DDX50: variants seen among roughly 807,000 people sequenced by gnomAD.
The protein encoded by DDX50 is ATP-dependent RNA helicase DDX50.
In DDX50, 56 loss-of-function variants were observed where a neutral mutation model predicts 94.8. That is an observed-to-expected ratio of 0.59 (90% CI 0.48 to 0.74). The LOEUF is 0.74. DDX50 is among the 30% of genes least tolerant of loss of function. DDX50 has a pLI of 0.00. For synonymous variants in DDX50, 264 were observed against 295.4 expected (o/e 0.89, Z 1.09); for missense variants, 713 against 881.2 (o/e 0.81, Z 2.42).
intron 10 of DDX50, 145 bp from the exon 11 acceptor site, chr10:68,935,857 CAAAA>C: frequency 1.6e-6 from 1 of 607,042 alleles, no homozygotes; most frequent in Non-Finnish European, 2.7e-6. Context: ...AAAACAAAAA[CAAAA>C]AAGATAAAAC....
intron 8 of DDX50, among the ~76,000 whole-genome samples, chr10:68,928,345 G>C (rs181770230): frequency 1.8e-4 from 28 of 152,050 alleles, no homozygotes; most frequent in Admixed American, 4.6e-4. Context: ...TTAAAAGGTG[G>C]TATTAAAAAT....
chr10:68,902,345 A>C (rs1321473290), intron 1 of DDX50, among the ~76,000 whole-genome samples: 2 of 152,196 alleles, frequency 1.3e-5, no homozygotes, highest in Admixed American at 6.5e-5. Flanking sequence ...CAGTATTCGA[A>C]GGCTGACATT....
At chr10:68,925,833 G>A (rs894095934) in intron 8 of DDX50, among the ~76,000 whole-genome samples, 7 of 151,988 alleles carry the variant, frequency 4.6e-5, no homozygotes, top group Non-Finnish European at 7.4e-5. Context: ...GTGCAACATG[G>A]TGAAACCCGG....
chr10:68,946,757 T>C lies in DDX50; in HGVS notation c.*127T>C. 1 of 1,257,868 alleles carries C rather than the reference T, an allele frequency of 7.9e-7. No homozygotes were observed. The highest frequency in any genetic ancestry group is 1.1e-6 in the Non-Finnish European group (1 of 919,664). The allele number at this position is 1,257,868 out of a possible 1,614,324, so 77.9% of individuals were successfully genotyped here. A position where few individuals can be genotyped will look rare whatever the true frequency, so the allele number is the denominator to read the frequency against. On this transcript the variant is annotated 3_prime_UTR_variant, in exon 15 of 15. Coordinates refer to ENST00000373585, the MANE Select transcript of DDX50 (RefSeq NM_024045.2). The stretch of plus-strand genomic sequence containing the variant: ...CTATTTGCAAAGAAGTTGGTCGTAT[T>C]TTTTTAAAAAGTATTTCACAAGAAT...
chr10:68,935,002 G>C, intron 10 of DDX50, 84 bp downstream of exon 10: 2 of 1,467,224 alleles, frequency 1.4e-6, no homozygotes, highest in Non-Finnish European at 1.8e-6. Flanking sequence ...CTTACAAGTA[G>C]GTCTTCATAA....
At chr10:68,905,175 C>G (rs774540632) in intron 1 of DDX50, among the ~76,000 whole-genome samples, 4 of 152,154 alleles carry the variant, frequency 2.6e-5, no homozygotes, top group South Asian at 2.1e-4. Context: ...CCTCGCCCCC[C>G]CAGAGTGCTG....
intron 14 of DDX50, among the ~76,000 whole-genome samples, chr10:68,945,393 G>C (rs1169564128): frequency 6.6e-6 from 1 of 151,560 alleles, no homozygotes; most frequent in Admixed American, 6.6e-5. Flanking sequence ...TGCAACCTCT[G>C]CCTCCCAGGT....
intron 8 of DDX50, among the ~76,000 whole-genome samples, chr10:68,923,502 A>G (rs935050174): frequency 4.0e-5 from 6 of 151,580 alleles, no homozygotes; most frequent in Non-Finnish European, 8.8e-5. Context: ...CACTGTGCCC[A>G]GCCAATATAT....
chr10:68,931,432 A>ACACACACACACACAC (rs1261998646), intron 8 of DDX50, among the ~76,000 whole-genome samples: 6,660 of 60,192 alleles, frequency 0.11, 753 homozygotes, highest in East Asian at 0.29. Context: ...TATATACACA[A>ACACACACACACACAC]ACACACACAC....
In DDX50 at chr10:68,913,201, G is replaced by A; in HGVS notation, c.679G>A (p.Val227Ile). ...TCCAACAAGGGAACTGGCAAACCAA[G>A]TAGCCAAAGACTTCAAAGATATAAC... ...LAPTRELANQ[V>I]AKDFKDITRK... is the part of the protein sequence containing the mutation. The change falls in exon 5 of 15, where the codon GTA (valine) becomes ATA (isoleucine). Residue 227 changes from valine to isoleucine, a missense_variant. Physicochemically the swap from Val to Ile is conservative, Grantham distance 29. This residue lies in a region of DDX50 where 285 missense variants were observed against 278.9 expected (regional missense o/e 1.02). Coordinates refer to ENST00000373585, the MANE Select transcript of DDX50 (RefSeq NM_024045.2). 6.2e-7 allele frequency: 1 copy of A among 1,612,436 alleles called. No individual in the cohort carries two copies. Among genetic ancestry groups the A allele is most frequent in the Non-Finnish European group, 8.5e-7 (1 of 1,179,658 alleles).
intron 13 of DDX50, among the ~76,000 whole-genome samples, chr10:68,941,995 C>T (rs1480736567): frequency 6.6e-6 from 1 of 151,598 alleles, no homozygotes; most frequent in Admixed American, 6.6e-5. Flanking sequence ...GCCATGTTGC[C>T]CAGGCTGGTC....
Position 68,934,788 on chromosome 10 carries a change from A to G in DDX50, c.1402-11A>G. The G allele has an allele frequency of 6.3e-7, 1 of 1,578,652 alleles. No homozygotes were observed. Among genetic ancestry groups the G allele is most frequent in the Non-Finnish European group, 8.6e-7 (1 of 1,168,956 alleles). On this transcript the variant is annotated splice_polypyrimidine_tract_variant and intron_variant, in intron 9 of 14. Coordinates refer to ENST00000373585, the MANE Select transcript of DDX50 (RefSeq NM_024045.2). The surrounding 1 kb of genome is among the most constrained non-coding windows in gnomAD (Gnocchi z 4.0). ...AGATTTTTAAAAAATATTACCTTTTATAATCTTTAGGATGTTGAGTCCTAT... is the reference window on the plus strand; with the variant it reads ...AGATTTTTAAAAAATATTACCTTTTGTAATCTTTAGGATGTTGAGTCCTAT...
chr10:68,907,209 G>T (rs928666127), intron 2 of DDX50, among the ~76,000 whole-genome samples: 3 of 151,996 alleles, frequency 2.0e-5, no homozygotes, highest in Admixed American at 6.6e-5. Flanking sequence ...CTTTTTCTTG[G>T]GGCGAGGTGG....
At chr10:68,910,569 A>G (rs542372355) in intron 3 of DDX50, among the ~76,000 whole-genome samples, 187 bp downstream of exon 3, 3 of 152,152 alleles carry the variant, frequency 2.0e-5, no homozygotes, top group Admixed American at 2.0e-4. Flanking sequence ...TGCCCGGCTA[A>G]GTTTCATATT....
At chr10:68,936,506 AAAAAAAAAAATATATATATAT>A (rs1186653504) in intron 11 of DDX50, among the ~76,000 whole-genome samples, 3 of 49,708 alleles carry the variant, frequency 6.0e-5, no homozygotes, top group African/African-American at 2.6e-4. Context: ...AAAAAAAAAA[AAAAAAAAAAATATATATATAT>A]ATATATATAT....
Position 68,919,961 on chromosome 10 carries a change from A to G in DDX50, c.1219A>G (p.Met407Val), listed in dbSNP as rs758730207. 2.5e-6 allele frequency: 4 copies of G among 1,614,110 alleles called. No homozygotes were observed. The highest frequency in any genetic ancestry group is 1.3e-5 in the African/African-American group (1 of 74,958). ...CAAGAAGAATGTAACTGAAATGGCCATGAATCCACACATAAAACAGGTAAG... is the reference window on the plus strand; with the variant it reads ...CAAGAAGAATGTAACTGAAATGGCCGTGAATCCACACATAAAACAGGTAAG... ...ETKKNVTEMA[M>V]NPHIKQNAQC... Residue 407 changes from methionine to valine, a missense_variant, in exon 8 of 15, where the codon ATG (methionine) becomes GTG (valine). Around this residue, in one of 2 missense-constraint regions of DDX50, gnomAD observed 428 missense variants for 602.3 expected, o/e 0.71. Coordinates refer to ENST00000373585, the MANE Select transcript of DDX50 (RefSeq NM_024045.2).
At chr10:68,906,215 T>C (rs1356306015) in intron 1 of DDX50, 1 of 152,444 alleles carries the variant, frequency 6.6e-6, no homozygotes, top group Non-Finnish European at 1.5e-5. Flanking sequence ...AAAAAAACTT[T>C]CGGTTTTCAG....
intron 13 of DDX50, among the ~76,000 whole-genome samples, chr10:68,942,205 A>G (rs1006286228): frequency 6.6e-6 from 1 of 152,244 alleles, no homozygotes; most frequent in Non-Finnish European, 1.5e-5. Flanking sequence ...TAATGAATTA[A>G]TGATATGAAT....
chr10:68,923,706 G>A (rs1357609329), intron 8 of DDX50, among the ~76,000 whole-genome samples: 1 of 151,494 alleles, frequency 6.6e-6, no homozygotes, highest in Non-Finnish European at 1.5e-5. Flanking sequence ...ACCACACCCG[G>A]CTAATTTTTG....
Sources: gnomAD v4.1 joint callset for allele counts (sites outside exome capture counted in the v4.1 genomes callset) on GRCh38, gnomAD v4.1.1 for gene constraint, gnomAD v4.1.1 regional missense constraint, Gnocchi (gnomAD v3.1) non-coding constraint, MANE v1.5 for transcripts, NCBI Gene and HGNC (gene_info 2026-07-23, HGNC 2026-07-21) for gene names.